Variants in YTHDC2 observed in about 807,000 individuals in gnomAD.
The protein encoded by YTHDC2 is YTH N6-methyladenosine RNA binding protein C2, also known as 3'-5' RNA helicase YTHDC2.
YTHDC2 carries 45 observed loss-of-function variants against 174.9 expected under a neutral mutation model. That is an observed-to-expected ratio of 0.26 (90% confidence interval 0.20 to 0.33). The LOEUF (loss-of-function observed/expected upper bound fraction) is 0.33, where lower values mean the gene tolerates loss of function less well. Among genes scored for constraint, YTHDC2 ranks in the 10% least tolerant of loss-of-function variants. The pLI is 1.00. For synonymous variants in YTHDC2, 657 were observed against 574.5 expected (o/e 1.14, Z -2.05); for missense variants, 1,650 against 1,723.7 (o/e 0.96, Z 0.76).
At chr5:113,577,609 A>G (rs1039726548) in intron 23 of YTHDC2, among the ~76,000 whole-genome samples, 4 of 152,144 alleles carry the variant, frequency 2.6e-5, no homozygotes, top group Non-Finnish European at 4.4e-5. Flanking sequence ...TGCTCTTACA[A>G]TCTGCTCACC....
intron 4 of YTHDC2, among the ~76,000 whole-genome samples, chr5:113,529,737 A>C (rs536683528): frequency 6.6e-6 from 1 of 152,010 alleles, no homozygotes; most frequent in South Asian, 2.1e-4. Context: ...TATATTATAG[A>C]TGCATGTCTG....
At chr5:113,518,655 G>C (rs1399075847) in intron 2 of YTHDC2, among the ~76,000 whole-genome samples, 2 of 151,736 alleles carry the variant, frequency 1.3e-5, no homozygotes, top group African/African-American at 4.8e-5. Flanking sequence ...AGGCCACCTG[G>C]TGTAAAGTGC....
chr5:113,537,728 G>A (rs1404956138), intron 7 of YTHDC2, among the ~76,000 whole-genome samples: 1 of 151,800 alleles, frequency 6.6e-6, no homozygotes, highest in African/African-American at 2.4e-5. Flanking sequence ...TTTATTTTCA[G>A]TTGTTCTCCA....
intron 25 of YTHDC2, chr5:113,582,240 C>T (rs1345516386): frequency 1.3e-5 from 2 of 152,022 alleles, no homozygotes; most frequent in Non-Finnish European, 2.9e-5. Context: ...AGATCTCCTC[C>T]AGAGGATATA....
At chr5:113,552,363 A>G (rs1776303464) in intron 12 of YTHDC2, among the ~76,000 whole-genome samples, 1 of 152,038 alleles carries the variant, frequency 6.6e-6, no homozygotes, top group African/African-American at 2.4e-5. Flanking sequence ...GGCCTCCTCC[A>G]GCTTTAGACC....
chr5:113,591,005 A>G lies in YTHDC2; in HGVS notation c.3826-36A>G, dbSNP rs772471650. The G allele has an allele frequency of 6.9e-6, 11 of 1,583,380 alleles. No individual in the cohort carries two copies. In the Admixed American group the frequency reaches 8.9e-5, roughly 13 times the overall value. On this transcript the variant is annotated intron_variant, in intron 26 of 29. Coordinates refer to ENST00000161863, the MANE Select transcript of YTHDC2 (RefSeq NM_022828.5). ...TGGAGCCTCTTGGTTTTGAAAGGTC[A>G]GGTTACCTTTCAAGAACTTATGTTT... is the stretch of plus-strand genomic sequence containing the variant.
chr5:113,590,040 A>G (rs1352452289), intron 26 of YTHDC2, among the ~76,000 whole-genome samples: 1 of 152,178 alleles, frequency 6.6e-6, no homozygotes, highest in African/African-American at 2.4e-5. Context: ...GTAAAAATCT[A>G]CTTGTAAATG....
intron 4 of YTHDC2, among the ~76,000 whole-genome samples, chr5:113,527,728 T>C (rs1774359889): frequency 6.8e-6 from 1 of 147,672 alleles, no homozygotes; most frequent in Non-Finnish European, 1.5e-5. Flanking sequence ...TAAAACTGAA[T>C]AATTAAAAAC....
intron 23 of YTHDC2, among the ~76,000 whole-genome samples, chr5:113,576,004 A>C (rs140519518): frequency 5.9e-5 from 9 of 152,202 alleles, no homozygotes; most frequent in Non-Finnish European, 1.2e-4. Flanking sequence ...CTTGTCACTC[A>C]TTTGAGATTC....
At chr5:113,581,283 G>A in intron 24 of YTHDC2, 134 bp from the exon 25 acceptor site, 1 of 764,194 alleles carries the variant, frequency 1.3e-6, no homozygotes, top group Non-Finnish European at 1.9e-6. Flanking sequence ...TAAAAATAAT[G>A]AAATTAGTAG....
At chr5:113,520,581 C>G (rs1669031966) in intron 2 of YTHDC2, among the ~76,000 whole-genome samples, 1 of 151,262 alleles carries the variant, frequency 6.6e-6, no homozygotes, top group Non-Finnish European at 1.5e-5. Flanking sequence ...TGATTCATCT[C>G]TGGCCTGGTA....
intron 4 of YTHDC2, among the ~76,000 whole-genome samples, 179 bp from the exon 5 acceptor site, chr5:113,532,700 C>A (rs1349535664): frequency 1.3e-5 from 2 of 152,092 alleles, no homozygotes; most frequent in African/African-American, 2.4e-5. Flanking sequence ...CTATTGTGAG[C>A]AAGATCTTTT....
intron 19 of YTHDC2, 104 bp downstream of exon 19, chr5:113,563,596 G>A: frequency 2.3e-6 from 3 of 1,288,048 alleles, no homozygotes; most frequent in Non-Finnish European, 3.1e-6. Flanking sequence ...TTTTATTTTT[G>A]TCCTCCTGCA....
At chr5:113,585,150 G>A (rs948463518) in intron 26 of YTHDC2, among the ~76,000 whole-genome samples, 6 of 151,498 alleles carry the variant, frequency 4.0e-5, no homozygotes, top group Non-Finnish European at 7.4e-5. Context: ...TTTCAGAATC[G>A]AAAACAGTGG....
rs1189461272 is a variant in YTHDC2, at chr5:113,565,724, ATAAAT to A, written c.2716-165_2716-161del. 3.3e-5 allele frequency: 21 copies of A among 629,458 alleles called. No homozygotes were observed. In the East Asian group the frequency reaches 6.8e-4, roughly 20 times the overall value. 39.0% of individuals were successfully genotyped at this position (629,458 alleles called of 1,614,324 possible). A position where few individuals can be genotyped will look rare whatever the true frequency, so the allele number is the denominator to read the frequency against. ...TCAATGGCTTTTTTAGCATTTGAGT[ATAAAT>A]TAATGATAAATATTATTTGATCATA... On this transcript the variant is annotated intron_variant, in intron 20 of 29. Transcript: ENST00000161863.
chr5:113,524,857 C>T (rs1380100595), intron 2 of YTHDC2, 124 bp from the exon 3 acceptor site: 3 of 724,884 alleles, frequency 4.1e-6, no homozygotes, highest in Non-Finnish European at 6.2e-6. Flanking sequence ...CTTTCAGCAT[C>T]TTCTCCCAAA....
chr5:113,536,519 C>T (rs1775083545), intron 7 of YTHDC2, among the ~76,000 whole-genome samples: 2 of 151,744 alleles, frequency 1.3e-5, no homozygotes, highest in Admixed American at 6.6e-5. Flanking sequence ...AGCAAGACTC[C>T]GTCTCAAAAA....
intron 26 of YTHDC2, among the ~76,000 whole-genome samples, chr5:113,589,406 A>ATATATATATAT (rs1350140447): frequency 9.0e-6 from 1 of 111,182 alleles, no homozygotes; most frequent in Admixed American, 8.3e-5. Flanking sequence ...AAAAAAAAAA[A>ATATATATATAT]AAATATATAT....
At chr5:113,559,250 G>T (rs866954990) in intron 17 of YTHDC2, among the ~76,000 whole-genome samples, 1 of 152,118 alleles carries the variant, frequency 6.6e-6, no homozygotes, top group Non-Finnish European at 1.5e-5. Flanking sequence ...AAAAAATTAT[G>T]CATGGAGTTC....
Sources: gnomAD v4.1 joint callset for allele counts (sites outside exome capture counted in the v4.1 genomes callset) on GRCh38, gnomAD v4.1.1 for gene constraint, MANE v1.5 for transcripts, NCBI Gene and HGNC (gene_info 2026-07-23, HGNC 2026-07-21) for gene names.